MARCHF1: variants seen among roughly 807,000 people sequenced by gnomAD.
MARCHF1 encodes membrane associated ring-CH-type finger 1, also known as E3 ubiquitin-protein ligase MARCHF1.
A neutral mutation model predicts 54.2 loss-of-function variants in MARCHF1; 40 were observed. That is an observed-to-expected ratio of 0.74 (90% CI 0.57 to 0.96). MARCHF1 has a LOEUF of 0.96. Ranked by LOEUF, MARCHF1 falls within the 40% of genes least tolerant of loss-of-function variation. The probability of loss-of-function intolerance (pLI) is 0.00; values close to 1 mark genes in which losing one functional copy is unlikely to be tolerated. For missense variants in MARCHF1, 586 were observed against 656.5 expected (o/e 0.89, Z 1.17); for synonymous variants, 236 against 236.3 (o/e 1.00, Z 0.01).
intron 3 of MARCHF1, among the ~76,000 whole-genome samples, chr4:163,880,458 G>A (rs1013779580): frequency 6.7e-6 from 1 of 150,276 alleles, no homozygotes; most frequent in Non-Finnish European, 1.5e-5. Flanking sequence ...GTTTACTTTA[G>A]GAGTCTTATG....
At chr4:163,951,694 C>G (rs1480217084) in intron 3 of MARCHF1, among the ~76,000 whole-genome samples, 1 of 152,082 alleles carries the variant, frequency 6.6e-6, no homozygotes, top group Non-Finnish European at 1.5e-5. Context: ...TTTTCAGAGG[C>G]CTTCCTAGAA....
At position 163,528,598 on chromosome 4, in the gene MARCHF1, C is replaced by CAAAGAGGAAAGGAGAAAAA. The variant is rs1738227630; in HGVS notation, c.*149_*150insTTTTTCTCCTTTCCTCTTT. 1 of 754,128 alleles carries CAAAGAGGAAAGGAGAAAAA rather than the reference C, an allele frequency of 1.3e-6. No individual in the cohort carries two copies. The highest frequency in any genetic ancestry group is 2.1e-6 in the Non-Finnish European group (1 of 478,944). The allele number at this position is 754,128 out of a possible 1,614,324, so 46.7% of individuals were successfully genotyped here. ...GGGCATTTGGTCTGTTTGTTTTTCT[C>CAAAGAGGAAAGGAGAAAAA]CTTTCCTCTTTGAACAAAGTCAGGA... On this transcript the variant is annotated 3_prime_UTR_variant, in exon 10 of 10. Coordinates refer to ENST00000514618, the MANE Select transcript of MARCHF1 (RefSeq NM_001394959.1).
chr4:164,300,998 A>G (rs372412662), intron 1 of MARCHF1, among the ~76,000 whole-genome samples: 1 of 107,748 alleles, frequency 9.3e-6, no homozygotes. Context: ...ACACATAAAC[A>G]CAAACACACA....
intron 1 of MARCHF1, among the ~76,000 whole-genome samples, chr4:164,325,945 T>A (rs1735269105): frequency 1.3e-5 from 2 of 152,176 alleles, no homozygotes; most frequent in Admixed American, 1.3e-4. Flanking sequence ...CATGGAGCAG[T>A]GGCTATAACA....
chr4:164,237,243 T>C (rs1026355631), intron 1 of MARCHF1, among the ~76,000 whole-genome samples: 1 of 152,166 alleles, frequency 6.6e-6, no homozygotes, highest in Non-Finnish European at 1.5e-5. Flanking sequence ...AACACCCAAG[T>C]AAAATTACAT....
intron 8 of MARCHF1, chr4:163,585,282 A>T (rs1740370951): frequency 6.6e-6 from 1 of 152,304 alleles, no homozygotes; most frequent in South Asian, 2.1e-4. Context: ...TAAATAGTAC[A>T]CACTTTATAG....
chr4:164,340,668 C>G (rs1275113980), intron 1 of MARCHF1, among the ~76,000 whole-genome samples: 2 of 151,520 alleles, frequency 1.3e-5, no homozygotes, highest in Non-Finnish European at 2.9e-5. Context: ...GGCAATCTGC[C>G]CACCTTGGCC....
intron 1 of MARCHF1, among the ~76,000 whole-genome samples, chr4:164,160,220 T>C (rs1396154313): frequency 1.3e-5 from 2 of 152,140 alleles, no homozygotes; most frequent in African/African-American, 4.8e-5. Flanking sequence ...TTGGGTGATT[T>C]CCTCATCTTG....
At chr4:164,144,400 A>C (rs1275061289) in intron 1 of MARCHF1, among the ~76,000 whole-genome samples, 1 of 150,896 alleles carries the variant, frequency 6.6e-6, no homozygotes, top group African/African-American at 2.5e-5. Flanking sequence ...ACCTATTCCA[A>C]AATTGACCAC....
intron 3 of MARCHF1, among the ~76,000 whole-genome samples, chr4:163,891,271 GA>G (rs1750655087): frequency 6.6e-6 from 1 of 151,964 alleles, no homozygotes; most frequent in African/African-American, 2.4e-5. Flanking sequence ...GTCCCATGGA[GA>G]TAAATAACTT....
chr4:163,965,143 A>G (rs75504256), intron 3 of MARCHF1, among the ~76,000 whole-genome samples: 3,238 of 152,078 alleles, frequency 0.021, 59 homozygotes, highest in African/African-American at 0.046. Flanking sequence ...GTTAACTTGA[A>G]CTGGGAATAA....
At chr4:164,237,604 T>C (rs766779613) in intron 1 of MARCHF1, among the ~76,000 whole-genome samples, 7 of 152,196 alleles carry the variant, frequency 4.6e-5, no homozygotes, top group Non-Finnish European at 1.0e-4. Flanking sequence ...TTTATAATTA[T>C]CTTTATTAAT....
intron 2 of MARCHF1, among the ~76,000 whole-genome samples, chr4:164,014,481 GAAGA>G (rs1579461502): frequency 6.6e-6 from 1 of 152,052 alleles, no homozygotes. Flanking sequence ...AGGAAGGAAG[GAAGA>G]GAGGAACACC....
intron 3 of MARCHF1, among the ~76,000 whole-genome samples, chr4:163,921,030 T>C (rs540813091): frequency 1.3e-5 from 2 of 152,290 alleles, no homozygotes; most frequent in Admixed American, 6.5e-5. Context: ...TTGAGAGATA[T>C]AGCAGGTTCA....
chr4:163,880,513 ATT>A (rs1189791025), intron 3 of MARCHF1, among the ~76,000 whole-genome samples: 1 of 151,410 alleles, frequency 6.6e-6, no homozygotes, highest in African/African-American at 2.4e-5. Context: ...GTTATATATT[ATT>A]CTTTTAATCC....
intron 4 of MARCHF1, among the ~76,000 whole-genome samples, chr4:163,765,503 C>T (rs1176332080): frequency 3.3e-5 from 5 of 152,076 alleles, no homozygotes; most frequent in Non-Finnish European, 5.9e-5. Flanking sequence ...AGCTATATTA[C>T]ATAAATTAAG....
At chr4:163,631,338 G>C (rs755746329) in intron 5 of MARCHF1, among the ~76,000 whole-genome samples, 1 of 151,856 alleles carries the variant, frequency 6.6e-6, no homozygotes, top group Non-Finnish European at 1.5e-5. Flanking sequence ...GATTACAGGC[G>C]CCTGCTGCCA....
intron 3 of MARCHF1, among the ~76,000 whole-genome samples, chr4:163,950,872 G>A (rs1192727571): frequency 6.6e-6 from 1 of 152,312 alleles, no homozygotes; most frequent in East Asian, 1.9e-4. Context: ...CTTCCTTGAC[G>A]TTAGAAGAAC....
At chr4:163,734,729 G>A (rs937553960) in intron 4 of MARCHF1, among the ~76,000 whole-genome samples, 7 of 152,038 alleles carry the variant, frequency 4.6e-5, no homozygotes, top group African/African-American at 1.7e-4. Context: ...AAAGTTTCTA[G>A]GGGAAGAATA....
Sources: gnomAD v4.1 joint callset for allele counts (sites outside exome capture counted in the v4.1 genomes callset) on GRCh38, gnomAD v4.1.1 for gene constraint, MANE v1.5 for transcripts, NCBI Gene and HGNC (gene_info 2026-07-23, HGNC 2026-07-21) for gene names.